The following EPC2 variants were observed in gnomAD, a reference collection of about 807,000 sequenced individuals.
The protein encoded by EPC2 is enhancer of polycomb homolog 2.
Under a neutral mutation model 92.1 loss-of-function variants are expected in EPC2, and 14 were observed. The observed-to-expected ratio is 0.15, with a 90% CI of 0.10 to 0.24. The LOEUF is 0.24. EPC2 is among the 10% of genes least tolerant of loss of function. The pLI, the probability that EPC2 is intolerant of heterozygous loss-of-function variation, is 1.00. For missense variants in EPC2, 755 were observed against 971.5 expected, an observed-to-expected ratio of 0.78 and a Z score of 2.96; for synonymous variants, 340 against 334.7, an observed-to-expected ratio of 1.02 and a Z score of -0.17.
At chr2:148,737,666 T>C (rs1203766072) in intron 2 of EPC2, among the ~76,000 whole-genome samples, 1 of 152,142 alleles carries the variant, frequency 6.6e-6, no homozygotes, top group Non-Finnish European at 1.5e-5. Flanking sequence ...GTTGCATAGC[T>C]ACACTGAATG....
intron 7 of EPC2, among the ~76,000 whole-genome samples, chr2:148,765,683 G>A (rs898524768): frequency 6.6e-6 from 1 of 152,170 alleles, no homozygotes; most frequent in African/African-American, 2.4e-5. Flanking sequence ...ATAGAAAAAT[G>A]TGTGCAATTA....
intron 13 of EPC2, among the ~76,000 whole-genome samples, chr2:148,785,812 C>A (rs1683854958): frequency 6.6e-6 from 1 of 151,996 alleles, no homozygotes; most frequent in African/African-American, 2.4e-5. Context: ...TTTTATATTT[C>A]TTTCTATGAC....
chr2:148,691,499 T>C, intron 2 of EPC2: 1 of 1,548,816 alleles, frequency 6.5e-7, no homozygotes, highest in Non-Finnish European at 8.7e-7. Context: ...TAAGATTGAC[T>C]GCTTTTCATT....
chr2:148,765,053 T>G lies in EPC2; in HGVS notation c.1047T>G (p.Ser349=). Residue 349 remains serine, a synonymous_variant, in exon 7 of 14, where the codon TCT becomes TCG. Transcript: ENST00000258484. ...KKPKAEALIT[S]QQPTPETLPV... ...CTAAAGCAGAGGCTTTGATAACATCTCAGCAACCCACTCCTGAGACATTGC... is the reference window on the plus strand; with the variant it reads ...CTAAAGCAGAGGCTTTGATAACATCGCAGCAACCCACTCCTGAGACATTGC... The G allele has an allele frequency of 6.2e-7, 1 of 1,610,172 alleles. No homozygotes were observed. The highest frequency in any genetic ancestry group is 8.5e-7 in the Non-Finnish European group (1 of 1,177,746).
chr2:148,746,833 A>ACG, intron 3 of EPC2, among the ~76,000 whole-genome samples: 1 of 152,178 alleles, frequency 6.6e-6, no homozygotes, highest in Admixed American at 6.6e-5. Context: ...ACACACACAC[A>ACG]CACAATTAGA....
At chr2:148,706,992 A>T (rs973180716) in intron 2 of EPC2, among the ~76,000 whole-genome samples, 1 of 152,202 alleles carries the variant, frequency 6.6e-6, no homozygotes, top group African/African-American at 2.4e-5. Context: ...AGATTCACAC[A>T]TATCAATATT....
chr2:148,740,742 C>T (rs536732945), intron 2 of EPC2, among the ~76,000 whole-genome samples: 2 of 152,228 alleles, frequency 1.3e-5, no homozygotes, highest in East Asian at 3.9e-4. Context: ...TTCTGTTTAA[C>T]TTATAAATTC....
intron 2 of EPC2, among the ~76,000 whole-genome samples, chr2:148,728,510 A>G (rs540796999): frequency 1.3e-5 from 2 of 152,160 alleles, no homozygotes; most frequent in South Asian, 4.1e-4. Flanking sequence ...TGGGAGGCCT[A>G]GACTTGAGGC....
chr2:148,728,006 G>A (rs1682531080), intron 2 of EPC2, among the ~76,000 whole-genome samples: 1 of 152,080 alleles, frequency 6.6e-6, no homozygotes, highest in Non-Finnish European at 1.5e-5. Context: ...TCTCTTTTGA[G>A]ACAGAGTCTC....
intron 1 of EPC2, among the ~76,000 whole-genome samples, chr2:148,683,565 C>G (rs936074621): frequency 1.3e-5 from 2 of 152,106 alleles, no homozygotes; most frequent in Admixed American, 1.3e-4. Flanking sequence ...CACACCTGGC[C>G]CATTATATCA....
At chr2:148,757,533 C>T (rs181665733) in intron 4 of EPC2, among the ~76,000 whole-genome samples, 4 of 152,032 alleles carry the variant, frequency 2.6e-5, no homozygotes, top group Admixed American at 2.6e-4. Context: ...GCATGTAGAT[C>T]TTGATTTTAA....
At chr2:148,693,587 T>C (rs1681683523) in intron 2 of EPC2, among the ~76,000 whole-genome samples, 1 of 152,188 alleles carries the variant, frequency 6.6e-6, no homozygotes. Context: ...TCCTCTACAC[T>C]GTAACCTCCT....
intron 10 of EPC2, among the ~76,000 whole-genome samples, chr2:148,778,705 T>C (rs138152464): frequency 0.026 from 3,974 of 152,260 alleles, 56 homozygotes; most frequent in East Asian, 0.031. Flanking sequence ...TGTCATTGAT[T>C]ACTATTGGCA....
intron 1 of EPC2, among the ~76,000 whole-genome samples, chr2:148,649,069 A>T (rs1680586485): frequency 6.6e-6 from 1 of 152,138 alleles, no homozygotes; most frequent in Admixed American, 6.5e-5. Flanking sequence ...CCGCCTCCCC[A>T]TGAGTGTTGT....
intron 12 of EPC2, among the ~76,000 whole-genome samples, chr2:148,784,144 A>G (rs1683813009): frequency 6.6e-6 from 1 of 152,240 alleles, no homozygotes; most frequent in African/African-American, 2.4e-5. Flanking sequence ...TCCCACTCTT[A>G]CATACTGCTC....
intron 2 of EPC2, among the ~76,000 whole-genome samples, chr2:148,736,607 A>G (rs558879725): frequency 1.3e-5 from 2 of 152,158 alleles, no homozygotes; most frequent in Non-Finnish European, 2.9e-5. Context: ...GATAAAATAC[A>G]TCATGAATTT....
intron 1 of EPC2, among the ~76,000 whole-genome samples, chr2:148,658,263 C>T (rs1274638649): frequency 2.0e-5 from 3 of 152,144 alleles, no homozygotes; most frequent in African/African-American, 7.2e-5. Context: ...AGGCACATGA[C>T]AGTCTTCTTG....
chr2:148,708,758 A>G (rs1348051407), intron 2 of EPC2, among the ~76,000 whole-genome samples: 1 of 152,216 alleles, frequency 6.6e-6, no homozygotes, highest in Non-Finnish European at 1.5e-5. Flanking sequence ...TGATTATCTC[A>G]GTAGATGCAG....
At chr2:148,707,290 A>G (rs977253454) in intron 2 of EPC2, among the ~76,000 whole-genome samples, 12 of 152,230 alleles carry the variant, frequency 7.9e-5, no homozygotes, top group African/African-American at 2.7e-4. Flanking sequence ...TTCAACAAGA[A>G]GAGCTAACTA....
Sources: gnomAD v4.1 joint callset for allele counts (sites outside exome capture counted in the v4.1 genomes callset) on GRCh38, gnomAD v4.1.1 for gene constraint, MANE v1.5 for transcripts, NCBI Gene and HGNC (gene_info 2026-07-23, HGNC 2026-07-21) for gene names.